Variants in RNLS observed in about 807,000 individuals in gnomAD.
RNLS encodes the protein renalase.
In RNLS, 39 loss-of-function variants were observed where a neutral mutation model predicts 39.8. That is an observed-to-expected ratio of 0.98 (90% confidence interval 0.76 to 1.28). The LOEUF is 1.28. RNLS is among the 50% of genes most tolerant of loss of function. The pLI is 0.00. For synonymous variants in RNLS, 147 were observed against 150.7 expected, an observed-to-expected ratio of 0.98 and a Z score of 0.18; for missense variants, 410 against 413.3, an observed-to-expected ratio of 0.99 and a Z score of 0.07.
intron 3 of RNLS, among the ~76,000 whole-genome samples, chr10:88,581,294 G>GTGTATATATATATATATATATA (rs1376395535): frequency 4.6e-5 from 6 of 129,870 alleles, no homozygotes; most frequent in African/African-American, 1.2e-4. Flanking sequence ...GTGTGTGTGT[G>GTGTATATATATATATATATATA]TATATATATA....
chr10:88,243,647 G>A, the RNLS span, among the ~76,000 whole-genome samples: 14 of 152,292 alleles, frequency 9.2e-5, no homozygotes, highest in African/African-American at 2.6e-4. Flanking sequence ...TATGAACTGC[G>A]GGGAAAAACG....
intron 4 of RNLS, among the ~76,000 whole-genome samples, chr10:88,386,537 T>A (rs1286379481): frequency 1.3e-5 from 2 of 152,242 alleles, no homozygotes; most frequent in Non-Finnish European, 2.9e-5. Flanking sequence ...GCATAACTTG[T>A]TAGCTATTTT....
chr10:88,501,265 C>G (rs541535079), intron 4 of RNLS, among the ~76,000 whole-genome samples: 4 of 152,014 alleles, frequency 2.6e-5, no homozygotes, highest in Non-Finnish European at 4.4e-5. Context: ...AAGTCATTAC[C>G]TTTAATAATT....
intron 4 of RNLS, among the ~76,000 whole-genome samples, chr10:88,382,986 G>C (rs555741175): frequency 6.6e-6 from 1 of 152,050 alleles, no homozygotes; most frequent in Non-Finnish European, 1.5e-5. Flanking sequence ...AATTCATATA[G>C]CTTTTCAAAA....
In RNLS at chr10:88,285,013, G is replaced by A; in HGVS notation, c.*341C>T. Reference sequence around the variant, plus strand: ...TATTCAGAATTGAAATTTTCATAAGGATAATCAAGTTTTTGGCACACAAAC... The same window carrying A: ...TATTCAGAATTGAAATTTTCATAAGAATAATCAAGTTTTTGGCACACAAAC... On this transcript the variant is annotated 3_prime_UTR_variant, in exon 7 of 7. Coordinates refer to ENST00000331772, the MANE Select transcript of RNLS (RefSeq NM_001031709.3). The A allele has an allele frequency of 1.0e-6, 1 of 1,003,924 alleles. No individual in the cohort carries two copies. Among genetic ancestry groups the A allele is most frequent in the Non-Finnish European group, 1.2e-6 (1 of 842,482 alleles). The allele number at this position is 1,003,924 out of a possible 1,614,324, so 62.2% of individuals were successfully genotyped here.
chr10:88,473,247 T>C (rs1324327478), intron 4 of RNLS, among the ~76,000 whole-genome samples: 1 of 152,214 alleles, frequency 6.6e-6, no homozygotes, highest in Non-Finnish European at 1.5e-5. Flanking sequence ...AACACCATTA[T>C]GTGGCACATG....
intron 5 of RNLS, among the ~76,000 whole-genome samples, chr10:88,344,750 T>A (rs1285308265): frequency 1.3e-5 from 2 of 152,190 alleles, no homozygotes; most frequent in African/African-American, 4.8e-5. Flanking sequence ...AAATCTATTT[T>A]AGTGAGGAAA....
At chr10:88,439,383 T>C (rs1336446468) in intron 4 of RNLS, among the ~76,000 whole-genome samples, 1 of 152,206 alleles carries the variant, frequency 6.6e-6, no homozygotes, top group Non-Finnish European at 1.5e-5. Context: ...AACAAATGTC[T>C]TCCTGTTTTC....
At chr10:88,247,714 T>C in the RNLS span, among the ~76,000 whole-genome samples, 2 of 152,222 alleles carry the variant, frequency 1.3e-5, no homozygotes, top group Admixed American at 6.5e-5. Context: ...GCAAGCAGGT[T>C]GCATGTGGAA....
intron 4 of RNLS, among the ~76,000 whole-genome samples, chr10:88,533,740 C>T (rs1057417919): frequency 6.6e-6 from 1 of 152,042 alleles, no homozygotes; most frequent in Admixed American, 6.6e-5. Context: ...GGGAGTGACA[C>T]TGCACTGAAC....
chr10:88,192,509 C>A, the RNLS span, among the ~76,000 whole-genome samples: 2 of 152,208 alleles, frequency 1.3e-5, no homozygotes, highest in African/African-American at 2.4e-5. Flanking sequence ...CCATCCCATG[C>A]GGGGGAATTT....
At chr10:88,548,310 A>ATAAAAT (rs945632603) in intron 4 of RNLS, among the ~76,000 whole-genome samples, 2 of 147,292 alleles carry the variant, frequency 1.4e-5, no homozygotes, top group African/African-American at 5.0e-5. Flanking sequence ...AAAAAAGAAA[A>ATAAAAT]TAAAATTAAA....
the RNLS span, among the ~76,000 whole-genome samples, chr10:88,245,531 A>G: frequency 2.0e-5 from 3 of 151,222 alleles, no homozygotes; most frequent in Non-Finnish European, 4.4e-5. Context: ...AGATTCAAAG[A>G]GTTAAAGTAT....
the RNLS span, among the ~76,000 whole-genome samples, chr10:88,265,191 ATG>A: frequency 6.6e-6 from 1 of 152,076 alleles, no homozygotes; most frequent in Non-Finnish European, 1.5e-5. Flanking sequence ...CCATTGGTCT[ATG>A]TGCCAATTTT....
chr10:88,570,720 C>T (rs1368168240), intron 4 of RNLS, among the ~76,000 whole-genome samples: 2 of 152,104 alleles, frequency 1.3e-5, no homozygotes, highest in Non-Finnish European at 2.9e-5. Flanking sequence ...ACTGATGGGG[C>T]ACATCTTTTC....
chr10:88,275,240 C>T (rs934694948), intron 6 of RNLS, among the ~76,000 whole-genome samples: 5 of 152,180 alleles, frequency 3.3e-5, no homozygotes, highest in Non-Finnish European at 5.9e-5. Flanking sequence ...TTATCCTAAC[C>T]TTGTCCCACT....
At chr10:88,176,358 TAGAGATGGGGTTTCACC>T in the RNLS span, among the ~76,000 whole-genome samples, 1 of 152,038 alleles carries the variant, frequency 6.6e-6, no homozygotes, top group East Asian at 1.9e-4. Context: ...TGTATTTTAG[TAGAGATGGGGTTTCACC>T]ATTTTGGCCA....
At chr10:88,464,019 C>A (rs1454562621) in intron 4 of RNLS, among the ~76,000 whole-genome samples, 1 of 152,000 alleles carries the variant, frequency 6.6e-6, no homozygotes, top group Non-Finnish European at 1.5e-5. Flanking sequence ...GAGTGCCAAG[C>A]TAGATGTCTG....
At chr10:88,297,257 C>A (rs1311220192) in intron 6 of RNLS, among the ~76,000 whole-genome samples, 2 of 152,132 alleles carry the variant, frequency 1.3e-5, no homozygotes, top group African/African-American at 2.4e-5. Flanking sequence ...TGCATTCCTA[C>A]CAGTGATATG....
Sources: allele counts gnomAD v4.1 joint callset (sites outside exome capture counted in the v4.1 genomes callset), GRCh38; gene constraint gnomAD v4.1.1; transcripts MANE v1.5; gene names NCBI Gene and HGNC (gene_info 2026-07-23, HGNC 2026-07-21).